ADAMTS16: variants seen among roughly 807,000 people sequenced by gnomAD.
The protein encoded by ADAMTS16 is A disintegrin and metalloproteinase with thrombospondin motifs 16.
In ADAMTS16, 94 loss-of-function variants were observed where a neutral mutation model predicts 145.8. The observed-to-expected ratio is 0.64, with a 90% CI of 0.55 to 0.77. The LOEUF (loss-of-function observed/expected upper bound fraction) is 0.77, where lower values mean the gene tolerates loss of function less well. Ranked by LOEUF, ADAMTS16 falls within the 30% of genes least tolerant of loss-of-function variation. The probability of loss-of-function intolerance (pLI) is 0.00; values close to 1 mark genes in which losing one functional copy is unlikely to be tolerated. For synonymous variants in ADAMTS16, 659 were observed against 604.3 expected (o/e 1.09, Z -1.33); for missense variants, 1,585 against 1,591.5 (o/e 1.00, Z 0.07).
chr5:5,261,164 G>A (rs143626046), intron 17 of ADAMTS16, among the ~76,000 whole-genome samples: 1 of 152,104 alleles, frequency 6.6e-6, no homozygotes, highest in African/African-American at 2.4e-5. Flanking sequence ...TTTGAGATAG[G>A]GTTTCCCTCT....
In ADAMTS16 at chr5:5,200,177, C is replaced by T. The variant is rs545980885; in HGVS notation, c.1359C>T (p.Ser453=). 64 of 1,613,564 alleles carry T rather than the reference C, an allele frequency of 4.0e-5. No homozygotes were observed. The highest frequency in any genetic ancestry group is 2.2e-4 in the South Asian group (20 of 91,038). Residue 453 remains serine, a synonymous_variant, in exon 9 of 23, where the codon TCC becomes TCT. Coordinates refer to ENST00000274181, the MANE Select transcript of ADAMTS16 (RefSeq NM_139056.4). Reference sequence around the variant, plus strand: ...GAGAAGGGAACATGTGCAAAAAGTCCGAGGGCAACATCATGTCCCCTACAT... The same window carrying T: ...GAGAAGGGAACATGTGCAAAAAGTCTGAGGGCAACATCATGTCCCCTACAT... ...HDGEGNMCKK[S]EGNIMSPTLA... is the part of the protein sequence containing the mutation.
rs1734115779 is a variant in ADAMTS16 at position 5,140,339 on chromosome 5, C to A, written c.-129C>A. 1.0e-6 allele frequency: 1 copy of A among 963,804 alleles called. No individual in the cohort carries two copies. Among genetic ancestry groups the A allele is most frequent in the Non-Finnish European group, 1.4e-6 (1 of 702,474 alleles). 59.7% of individuals were successfully genotyped at this position (963,804 alleles called of 1,614,324 possible). A position where few individuals can be genotyped will look rare whatever the true frequency, so the allele number is the denominator to read the frequency against. The stretch of plus-strand genomic sequence containing the variant: ...CGCCGCACGGAGCTTCAGTAATAAC[C>A]CCGGCGCGGCGGCGGAGTCGCTGTG... On this transcript the variant is annotated 5_prime_UTR_variant, in exon 1 of 23. Coordinates refer to ENST00000274181, the MANE Select transcript of ADAMTS16 (RefSeq NM_139056.4).
chr5:5,284,736 T>A (rs978744335), intron 18 of ADAMTS16, among the ~76,000 whole-genome samples: 1 of 152,262 alleles, frequency 6.6e-6, no homozygotes, highest in African/African-American at 2.4e-5. Context: ...CTTAAGTCGG[T>A]CTTCTTCCAG....
intron 3 of ADAMTS16, among the ~76,000 whole-genome samples, chr5:5,149,688 A>G (rs566943812): frequency 1.3e-5 from 2 of 152,246 alleles, no homozygotes; most frequent in Admixed American, 1.3e-4. Context: ...CATTTATATC[A>G]CCTCAAAAAT....
chr5:5,305,676 G>A (rs1189645633), intron 20 of ADAMTS16, among the ~76,000 whole-genome samples: 1 of 152,230 alleles, frequency 6.6e-6, no homozygotes. Flanking sequence ...AAAGATGTGA[G>A]TGCAAGGTCA....
chr5:5,146,828 A>T (rs987988366), intron 3 of ADAMTS16, among the ~76,000 whole-genome samples: 3 of 152,224 alleles, frequency 2.0e-5, no homozygotes, highest in African/African-American at 7.2e-5. Context: ...TTTTGAATAA[A>T]ACAACACAAT....
intron 21 of ADAMTS16, among the ~76,000 whole-genome samples, chr5:5,309,666 G>A (rs763630313): frequency 7.9e-5 from 12 of 152,162 alleles, no homozygotes; most frequent in South Asian, 2.1e-4. Flanking sequence ...GGTTTTGACA[G>A]TATCATCTTT....
In ADAMTS16 at chr5:5,319,521, C is replaced by T. The variant is rs554961351; in HGVS notation, c.*383C>T. 1.0e-5 allele frequency: 3 copies of T among 294,922 alleles called. No individual in the cohort carries two copies. The highest frequency in any genetic ancestry group is 3.3e-5 in the South Asian group (1 of 30,348). 18.3% of individuals were successfully genotyped at this position (294,922 alleles called of 1,614,324 possible). ...GGTGCCTTAGAAAAAGAAGGAAAGG[C>T]CATGAAATAAGGAAAACATACAAAA... On this transcript the variant is annotated 3_prime_UTR_variant, in exon 23 of 23. Transcript: ENST00000274181.
At chr5:5,265,842 T>C (rs1408629307) in intron 18 of ADAMTS16, among the ~76,000 whole-genome samples, 4 of 152,154 alleles carry the variant, frequency 2.6e-5, no homozygotes, top group African/African-American at 9.7e-5. Context: ...ATATGGAAGT[T>C]GGGAGCATCA....
chr5:5,154,768 T>C (rs1001125556), intron 3 of ADAMTS16, among the ~76,000 whole-genome samples: 5 of 152,210 alleles, frequency 3.3e-5, no homozygotes, highest in Admixed American at 3.3e-4. Flanking sequence ...TCAGGTGGCA[T>C]AGCAGAAGTG....
At chr5:5,263,050 C>A (rs1447051616) in intron 18 of ADAMTS16, among the ~76,000 whole-genome samples, 1 of 152,196 alleles carries the variant, frequency 6.6e-6, no homozygotes, top group Admixed American at 6.5e-5. Context: ...TGGTTGCAGG[C>A]TGGCAGGAGT....
intron 3 of ADAMTS16, among the ~76,000 whole-genome samples, chr5:5,166,560 C>T (rs1001788089): frequency 3.3e-5 from 5 of 152,066 alleles, no homozygotes; most frequent in South Asian, 2.1e-4. Flanking sequence ...CCAGAGACAA[C>T]GCTGCAAAGT....
At chr5:5,158,453 G>A (rs373442408) in intron 3 of ADAMTS16, among the ~76,000 whole-genome samples, 61 of 152,092 alleles carry the variant, frequency 4.0e-4, no homozygotes, top group Non-Finnish European at 4.1e-4. Flanking sequence ...ACTGCAAAAG[G>A]CCCAATCTAA....
At chr5:5,267,655 C>T (rs763914360) in intron 18 of ADAMTS16, among the ~76,000 whole-genome samples, 4 of 152,274 alleles carry the variant, frequency 2.6e-5, no homozygotes, top group Middle Eastern at 3.4e-3. Context: ...TTTCGCTCGA[C>T]GTCCAGCTGC....
At chr5:5,275,174 A>G (rs2126460054) in intron 18 of ADAMTS16, among the ~76,000 whole-genome samples, 2 of 152,366 alleles carry the variant, frequency 1.3e-5, no homozygotes, top group Middle Eastern at 6.8e-3. Flanking sequence ...GTTTTTAGAT[A>G]CAATTAGGCA....
At chr5:5,172,693 G>A (rs1735073666) in intron 3 of ADAMTS16, among the ~76,000 whole-genome samples, 1 of 152,136 alleles carries the variant, frequency 6.6e-6, no homozygotes, top group African/African-American at 2.4e-5. Flanking sequence ...TCCATGTGCT[G>A]AGGAGGAGAA....
intron 10 of ADAMTS16, among the ~76,000 whole-genome samples, chr5:5,217,205 A>G (rs1481656707): frequency 3.3e-5 from 5 of 151,934 alleles, no homozygotes; most frequent in Admixed American, 1.3e-4. Context: ...TCAATTCAAG[A>G]TGGATTAAAG....
At chr5:5,248,766 T>C (rs184031207) in intron 17 of ADAMTS16, among the ~76,000 whole-genome samples, 1 of 152,356 alleles carries the variant, frequency 6.6e-6, no homozygotes, top group Admixed American at 6.5e-5. Context: ...ACAATAGACC[T>C]TGGAAAGCCT....
rs144170032 is a variant in ADAMTS16, at chr5:5,166,924, C to T, written c.502-15120C>T. On this transcript the variant is annotated intron_variant, in intron 3 of 22. Coordinates refer to ENST00000274181, the MANE Select transcript of ADAMTS16 (RefSeq NM_139056.4). Reference sequence around the variant, plus strand: ...CTCCGCTGGGCCCACGGCCTTCCCTCCTGTATGCTCACAGCCAGCTGCTCG... The same window carrying T: ...CTCCGCTGGGCCCACGGCCTTCCCTTCTGTATGCTCACAGCCAGCTGCTCG... 2.4e-3 allele frequency among the ~76,000 whole-genome samples: 368 copies of T among 152,318 alleles called. 1 individual carries two copies. The highest frequency in any genetic ancestry group is 0.011 in the South Asian group (51 of 4,830).
Sources: allele counts gnomAD v4.1 joint callset (sites outside exome capture counted in the v4.1 genomes callset), GRCh38; gene constraint gnomAD v4.1.1; transcripts MANE v1.5; gene names NCBI Gene and HGNC (gene_info 2026-07-23, HGNC 2026-07-21).